HENMT1: variants seen among roughly 807,000 people sequenced by gnomAD.
HENMT1 encodes HEN methyltransferase 1, also known as small RNA 2'-O-methyltransferase.
In HENMT1, 27 loss-of-function variants were observed where a neutral mutation model predicts 31.1. The observed-to-expected ratio is 0.87, with a 90% CI of 0.64 to 1.20. HENMT1 has a LOEUF of 1.20. Among genes scored for constraint, HENMT1 ranks in the 50% most tolerant of loss-of-function variants. The pLI is 0.00. For missense variants in HENMT1, 438 were observed against 469.6 expected, an observed-to-expected ratio of 0.93 and a Z score of 0.62; for synonymous variants, 167 against 172.2, an observed-to-expected ratio of 0.97 and a Z score of 0.24.
At chr1:108,653,219 T>C (rs1479109502) in intron 5 of HENMT1, among the ~76,000 whole-genome samples, 2 of 152,062 alleles carry the variant, frequency 1.3e-5, no homozygotes, top group African/African-American at 4.8e-5. Context: ...TTTCACCATG[T>C]TGGCCAGGCT....
At chr1:108,658,218 G>A (rs191140913) in intron 2 of HENMT1, among the ~76,000 whole-genome samples, 272 of 151,202 alleles carry the variant, frequency 1.8e-3, no homozygotes, top group African/African-American at 6.1e-3. Flanking sequence ...TGCAACCTCC[G>A]CCTCCCTCAA....
chr1:108,657,891 C>G (rs531351881), intron 2 of HENMT1, among the ~76,000 whole-genome samples: 1 of 151,922 alleles, frequency 6.6e-6, no homozygotes, highest in East Asian at 1.9e-4. Flanking sequence ...CATAAGGGAC[C>G]TTTTGTGGAG....
At chr1:108,659,516 T>A (rs1191816928) in intron 2 of HENMT1, among the ~76,000 whole-genome samples, 4 of 152,168 alleles carry the variant, frequency 2.6e-5, no homozygotes, top group Non-Finnish European at 5.9e-5. Flanking sequence ...CTAGAAACTT[T>A]AGAAACACAA....
intron 2 of HENMT1, among the ~76,000 whole-genome samples, chr1:108,658,006 C>T (rs1658302715): frequency 6.6e-6 from 1 of 150,894 alleles, no homozygotes; most frequent in Non-Finnish European, 1.5e-5. Flanking sequence ...CACACACACA[C>T]ACATATATGT....
Position 108,648,864 on chromosome 1 carries a change from C to T in HENMT1, c.884G>A (p.Gly295Glu), listed in dbSNP as rs1180935308. The part of the protein sequence containing the change: ...SHLPRRKEQA[G>E]ERGDKPKDIG... ...GTCTTTGGGCTTATCACCCCGTTCC[C>T]CAGCCTGTTCTTTCCGCCTTGGCAG... The change falls in exon 8 of 8, where the codon GGG (glycine) becomes GAG (glutamate). Residue 295 changes from glycine to glutamate, a missense_variant. Gly to Glu is a moderately conservative substitution (Grantham distance 98, BLOSUM62 -2). Transcript: ENST00000651461. 1.9e-6 allele frequency: 3 copies of T among 1,614,198 alleles called. No homozygotes were observed. The highest frequency in any genetic ancestry group is 2.5e-6 in the Non-Finnish European group (3 of 1,180,044).
In HENMT1 at chr1:108,648,761, A is replaced by G. The variant is rs371376172; in HGVS notation, c.987T>C (p.Ser329=). ...TATCTCCAACACAGAAGGGTGTGGG[A>G]GAGTTCTCTATCTTGGCCTTCTCAA... ...TEVEKAKIEN[S]PTPFCVGDKF... is the part of the protein sequence containing the mutation. Residue 329 remains serine, a synonymous_variant, in exon 8 of 8, where the codon TCT becomes TCC. Coordinates refer to ENST00000651461, the MANE Select transcript of HENMT1 (RefSeq NM_001102592.2). 3.1e-6 allele frequency: 5 copies of G among 1,614,048 alleles called. No homozygotes were observed. In the African/African-American group the frequency reaches 4.0e-5, roughly 13 times the overall value.
At chr1:108,656,310 G>A (rs1485834554) in intron 3 of HENMT1, among the ~76,000 whole-genome samples, 1 of 152,116 alleles carries the variant, frequency 6.6e-6, no homozygotes, top group Admixed American at 6.5e-5. Flanking sequence ...TCACACACAG[G>A]AATCTTCACT....
chr1:108,651,807 T>C (rs1199893986), intron 5 of HENMT1, among the ~76,000 whole-genome samples: 1 of 152,100 alleles, frequency 6.6e-6, no homozygotes, highest in Non-Finnish European at 1.5e-5. Context: ...CATCCTTTCC[T>C]ACCCCCCAAC....
chr1:108,659,635 T>G (rs1442554319), intron 2 of HENMT1, among the ~76,000 whole-genome samples: 1 of 152,222 alleles, frequency 6.6e-6, no homozygotes, highest in Non-Finnish European at 1.5e-5. Context: ...AGAGTGTTTT[T>G]AAAATAGATT....
At chr1:108,654,889 C>A in intron 4 of HENMT1, 39 bp from the exon 5 acceptor site, 3 of 1,605,988 alleles carry the variant, frequency 1.9e-6, no homozygotes, top group Non-Finnish European at 2.6e-6. Context: ...TGAACATTAT[C>A]TATTTAAAAA....
At chr1:108,649,266 CA>C in intron 7 of HENMT1, 1 of 561,032 alleles carries the variant, frequency 1.8e-6, no homozygotes, top group Non-Finnish European at 3.4e-6. Context: ...CTTGATATTA[CA>C]GGGGCAAGGG....
rs3215089 is a variant in HENMT1, at chr1:108,660,120, T to TC, written c.-78-159dup. On this transcript the variant is annotated intron_variant, in intron 1 of 7. Transcript: ENST00000651461. ...AAATAATGAATTCACCTCTGAGTAC[T>TC]CAAAAAAAAAAAAAAAAACACGAAA... is the stretch of plus-strand genomic sequence containing the variant. Among the ~76,000 whole-genome samples, 5 of 30,610 alleles carry TC rather than the reference T, an allele frequency of 1.6e-4. No homozygotes were observed. In the East Asian group the frequency reaches 3.4e-3, roughly 21 times the overall value. The allele number at this position is 30,610 out of a possible 152,430, so 20.1% of individuals were successfully genotyped here.
chr1:108,649,325 G>C, intron 7 of HENMT1: 1 of 472,526 alleles, frequency 2.1e-6, no homozygotes, highest in East Asian at 6.5e-5. Context: ...ACGTGGGTAA[G>C]TGCAGTGACT....
rs908205133 is a variant in HENMT1 at position 108,659,957 on chromosome 1, A to C, written c.-73T>G. ...GCTCTATTTGAGAGAATCAGCACTG[A>C]CTCAGCTGTAATAAATACAAAACCG... On this transcript the variant is annotated 5_prime_UTR_variant, in exon 2 of 8. Coordinates refer to ENST00000651461, the MANE Select transcript of HENMT1 (RefSeq NM_001102592.2). The C allele has an allele frequency of 3.4e-5, 52 of 1,517,002 alleles. No individual in the cohort carries two copies. The highest frequency in any genetic ancestry group is 1.7e-4 in the Middle Eastern group (1 of 5,776). The allele number at this position is 1,517,002 out of a possible 1,614,324, so 94.0% of individuals were successfully genotyped here.
intron 3 of HENMT1, among the ~76,000 whole-genome samples, chr1:108,656,676 A>G (rs938931105): frequency 6.6e-6 from 1 of 152,092 alleles, no homozygotes; most frequent in Non-Finnish European, 1.5e-5. Context: ...ACAGGGTCTC[A>G]CTATGGTGCC....
intron 5 of HENMT1, among the ~76,000 whole-genome samples, chr1:108,653,352 T>TG (rs1223907552): frequency 6.6e-6 from 1 of 152,218 alleles, no homozygotes; most frequent in East Asian, 1.9e-4. Context: ...CATCTACTGA[T>TG]GGACATTTAG....
chr1:108,655,659 G>C lies in HENMT1; in HGVS notation c.190C>G (p.Leu64Val), dbSNP rs1035715629. The C allele has an allele frequency of 6.2e-7, 1 of 1,612,514 alleles. No individual in the cohort carries two copies. Among genetic ancestry groups the C allele is most frequent in the Non-Finnish European group, 8.5e-7 (1 of 1,179,284 alleles). The stretch of plus-strand genomic sequence containing the variant: ...TCAATGCATGGATTGACTTTTAGCA[G>C]CCTTAAGAGTGAAGTATCACCACAT... ...LGCGDTSLLR[L>V]LKVNPCIELL... Residue 64 changes from leucine (L) to valine (V), a missense_variant, in exon 4 of 8, where the codon CTG becomes GTG. Physicochemically the swap from Leu to Val is conservative, Grantham distance 32 (BLOSUM62 1). Coordinates refer to ENST00000651461, the MANE Select transcript of HENMT1 (RefSeq NM_001102592.2).
In HENMT1 at chr1:108,659,441, C is replaced by T. The variant is rs141995661; in HGVS notation, c.21+423G>A. ...AGTGCCCACTTGCCATGTGTAGCTA[C>T]TGGACAGCAGGGAGCTACACCCTAG... is the stretch of plus-strand genomic sequence containing the variant. On this transcript the variant is annotated intron_variant, in intron 2 of 7. Coordinates refer to ENST00000651461, the MANE Select transcript of HENMT1 (RefSeq NM_001102592.2). Among the ~76,000 whole-genome samples the T allele has an allele frequency of 1.6e-3, 240 of 152,232 alleles. 1 individual carries two copies. Among genetic ancestry groups the T allele is most frequent in the African/African-American group, 5.4e-3 (224 of 41,542 alleles).
In HENMT1 at chr1:108,659,927, T is replaced by A. The variant is rs982563761; in HGVS notation, c.-43A>T. On this transcript the variant is annotated 5_prime_UTR_variant, in exon 2 of 8. It adds an upstream start codon to the 5' untranslated region. Coordinates refer to ENST00000651461, the MANE Select transcript of HENMT1 (RefSeq NM_001102592.2). The stretch of plus-strand genomic sequence containing the variant: ...TTGAAACAAAAATGAAGATTTATCC[T>A]TCAAGCTCTATTTGAGAGAATCAGC... 6.3e-7 allele frequency: 1 copy of A among 1,582,830 alleles called. No individual in the cohort carries two copies. The highest frequency in any genetic ancestry group is 8.6e-7 in the Non-Finnish European group (1 of 1,165,716).
Sources: allele counts gnomAD v4.1 joint callset (sites outside exome capture counted in the v4.1 genomes callset), GRCh38; gene constraint gnomAD v4.1.1; transcripts MANE v1.5; gene names NCBI Gene and HGNC (gene_info 2026-07-23, HGNC 2026-07-21).